The following DIABLO variants were observed in gnomAD, a reference collection of about 807,000 sequenced individuals.
DIABLO encodes the protein diablo homolog, mitochondrial.
In DIABLO, 32 loss-of-function variants were observed where a neutral mutation model predicts 31.7. The observed-to-expected ratio is 1.01, with a 90% CI of 0.76 to 1.35. DIABLO has a LOEUF of 1.35. Among genes scored for constraint, DIABLO ranks in the 40% most tolerant of loss-of-function variants. DIABLO has a pLI of 0.00. For synonymous variants in DIABLO, 132 were observed against 103.2 expected (o/e 1.28, Z -1.69); for missense variants, 316 against 286.4 (o/e 1.10, Z -0.75).
intron 2 of DIABLO, among the ~76,000 whole-genome samples, chr12:122,219,944 A>AT (rs1356036980): frequency 1.5e-5 from 2 of 137,100 alleles, no homozygotes; most frequent in African/African-American, 2.6e-5. Context: ...GACCTCGGTT[A>AT]TTTTATTTTT....
At chr12:122,212,507 G>C (rs1264805192) in intron 5 of DIABLO, among the ~76,000 whole-genome samples, 2 of 152,160 alleles carry the variant, frequency 1.3e-5, no homozygotes, top group Admixed American at 6.5e-5. Context: ...TTGCGGAGAA[G>C]ATGCCTGATG....
At chr12:122,210,677 G>C (rs1243271461) in intron 5 of DIABLO, among the ~76,000 whole-genome samples, 1 of 151,874 alleles carries the variant, frequency 6.6e-6, no homozygotes, top group Non-Finnish European at 1.5e-5. Flanking sequence ...CCGCGCCCAG[G>C]TGATATATCA....
upstream of DIABLO, among the ~76,000 whole-genome samples, chr12:122,226,870 C>T (rs1040903084): frequency 6.6e-6 from 1 of 152,258 alleles, no homozygotes; most frequent in Non-Finnish European, 1.5e-5. Context: ...CCACCACCTC[C>T]TGCATTTTTA....
At chr12:122,208,718 G>C (rs1954002504) in intron 5 of DIABLO, 141 bp from the exon 6 acceptor site, 1 of 812,868 alleles carries the variant, frequency 1.2e-6, no homozygotes, top group South Asian at 1.4e-5. Context: ...TTCTCTCTCT[G>C]CAAAGAAACT....
Position 122,207,916 on chromosome 12 carries a change from A to C in DIABLO, c.*465T>G, listed in dbSNP as rs1953963749. On this transcript the variant is annotated 3_prime_UTR_variant, in exon 6 of 6. Transcript: ENST00000464942. ...GGGCAGATCAGAGAACACATCAGAA[A>C]TACATACAAAGAAATCGTACAAACT... 8.7e-6 allele frequency: 4 copies of C among 460,624 alleles called. No individual in the cohort carries two copies. The highest frequency in any genetic ancestry group is 1.7e-5 in the Non-Finnish European group (4 of 231,482). The allele number at this position is 460,624 out of a possible 1,614,324, so 28.5% of individuals were successfully genotyped here.
chr12:122,226,318 G>A (rs561466587), upstream of DIABLO: 91 of 673,728 alleles, frequency 1.4e-4, 1 homozygote, highest in South Asian at 1.4e-3. Flanking sequence ...GGGTGGGCGG[G>A]GACTCAGTTC....
In DIABLO at chr12:122,213,199, G is replaced by A. The variant is rs1010120076; in HGVS notation, c.523+3289C>T. Among the ~76,000 whole-genome samples, 6 of 151,150 alleles carry A rather than the reference G, an allele frequency of 4.0e-5. No individual in the cohort carries two copies. The Admixed American group carries it at 4.0e-4, about 10-fold the overall frequency. ...GAAGTGCTGGGATTACAACAGGTAT[G>A]AGCCACTGCACCTGGACCAGATTTT... On this transcript the variant is annotated intron_variant, in intron 5 of 5. Transcript: ENST00000464942.
upstream of DIABLO, chr12:122,226,267 T>G (rs545335337): frequency 6.8e-5 from 47 of 693,316 alleles, no homozygotes; most frequent in African/African-American, 8.3e-4. Context: ...GGCGCGGAGG[T>G]GGGTCCGGCG....
chr12:122,224,368 C>T (rs1466213933), intron 2 of DIABLO, 144 bp downstream of exon 2: 17 of 1,211,366 alleles, frequency 1.4e-5, no homozygotes, highest in African/African-American at 7.5e-5. Context: ...TATATCTGCT[C>T]AACTGTGAAA....
intron 5 of DIABLO, among the ~76,000 whole-genome samples, chr12:122,214,272 C>T (rs756572910): frequency 1.3e-5 from 2 of 152,078 alleles, no homozygotes; most frequent in Non-Finnish European, 2.9e-5. Flanking sequence ...CCTCTGCCTC[C>T]CAGGCTCAAG....
intron 5 of DIABLO, among the ~76,000 whole-genome samples, chr12:122,215,870 C>CTATT: frequency 8.7e-6 from 1 of 115,098 alleles, no homozygotes; most frequent in Non-Finnish European, 1.7e-5. Context: ...AACCCCATCT[C>CTATT]TATTTTATGA....
chr12:122,227,399 T>G (rs767395183), upstream of DIABLO: 1 of 454,172 alleles, frequency 2.2e-6, no homozygotes, highest in Non-Finnish European at 4.4e-6. Context: ...GCTCCGCGGT[T>G]CTGTCTGCTC....
rs139511903 is a variant in DIABLO, at chr12:122,225,996, A to T, written c.19T>A (p.Trp7Arg). 6.6e-4 allele frequency: 1,063 copies of T among 1,603,436 alleles called. 1 individual carries two copies. The highest frequency in any genetic ancestry group is 8.7e-4 in the Non-Finnish European group (1,026 of 1,175,920). Reference sequence around the variant, plus strand: ...AATGAAGTTACGCTGCGCGACAGCCAACTCTTCAGAGCCGCCATTGTGCAG... The same window carrying T: ...AATGAAGTTACGCTGCGCGACAGCCTACTCTTCAGAGCCGCCATTGTGCAG... MAALKS[W>R]LSRSVTSFFR... Residue 7 changes from tryptophan (W) to arginine (R), a missense_variant, in exon 1 of 6, where the codon TGG (tryptophan) becomes AGG (arginine). Trp to Arg is a moderately radical substitution (Grantham distance 101). Coordinates refer to ENST00000464942, the MANE Select transcript of DIABLO (RefSeq NM_001371333.1).
chr12:122,212,390 AGGT>A (rs1954107013), intron 5 of DIABLO, among the ~76,000 whole-genome samples: 1 of 152,192 alleles, frequency 6.6e-6, no homozygotes, highest in Non-Finnish European at 1.5e-5. Flanking sequence ...AAGTGTATAC[AGGT>A]GGTACTTTGA....
intron 5 of DIABLO, chr12:122,209,835 C>G: frequency 1.4e-6 from 1 of 702,766 alleles, no homozygotes; most frequent in South Asian, 1.5e-5. Context: ...GCATCCTCCT[C>G]TTCTAACTTC....
intron 5 of DIABLO, among the ~76,000 whole-genome samples, chr12:122,212,905 G>GT (rs1954119856): frequency 6.6e-6 from 1 of 151,714 alleles, no homozygotes; most frequent in South Asian, 2.1e-4. Context: ...GATTACAGGC[G>GT]TGAGCCACTG....
intron 5 of DIABLO, among the ~76,000 whole-genome samples, chr12:122,214,814 C>T (rs886611428): frequency 6.6e-6 from 1 of 152,090 alleles, no homozygotes; most frequent in Non-Finnish European, 1.5e-5. Flanking sequence ...CCCCTGGGTT[C>T]AAGCCATTCT....
intron 5 of DIABLO, chr12:122,208,822 T>C: frequency 1.6e-6 from 1 of 610,088 alleles, no homozygotes; most frequent in Non-Finnish European, 3.1e-6. Context: ...AATTATTAAA[T>C]GCAACTCTCA....
intron 5 of DIABLO, among the ~76,000 whole-genome samples, chr12:122,214,746 G>A (rs1288651170): frequency 1.3e-5 from 2 of 151,490 alleles, no homozygotes; most frequent in African/African-American, 2.4e-5. Flanking sequence ...ACAGAGTCTT[G>A]CTCTGTCACC....
Sources: gnomAD v4.1 joint callset for allele counts (sites outside exome capture counted in the v4.1 genomes callset) on GRCh38, gnomAD v4.1.1 for gene constraint, MANE v1.5 for transcripts, NCBI Gene and HGNC (gene_info 2026-07-23, HGNC 2026-07-21) for gene names.